The following FRAS1 variants were observed in gnomAD, a reference collection of about 807,000 sequenced individuals.
FRAS1 encodes the protein extracellular matrix organizing protein FRAS1.
Under a neutral mutation model 435.2 loss-of-function variants are expected in FRAS1, and 290 were observed. The ratio of observed to expected loss-of-function variants is 0.67; its 90% CI spans 0.61 to 0.73. The LOEUF (loss-of-function observed/expected upper bound fraction) is 0.73. Ranked by LOEUF, FRAS1 falls within the 30% of genes least tolerant of loss-of-function variation. The pLI is 0.00. For synonymous variants in FRAS1, 1,800 were observed against 1,851.0 expected, an observed-to-expected ratio of 0.97 and a Z score of 0.71; for missense variants, 4,860 against 5,001.5, an observed-to-expected ratio of 0.97 and a Z score of 0.85.
rs554473732 is a variant in FRAS1 at position 78,189,107 on chromosome 4, T to A, written c.109-48403T>A. On this transcript the variant is annotated intron_variant, in intron 2 of 73. Transcript: ENST00000512123. ...AAGTCATTGGAGGACTGCCTGGGGATATACATCATCTGCTTCTAGTTCTGA... is the reference window on the plus strand; with the variant it reads ...AAGTCATTGGAGGACTGCCTGGGGAAATACATCATCTGCTTCTAGTTCTGA... Among the ~76,000 whole-genome samples the A allele has an allele frequency of 3.5e-4, 54 of 152,370 alleles. No individual in the cohort carries two copies. In the South Asian group the frequency reaches 0.011, roughly 30 times the overall value.
chr4:78,375,618 T>C lies in FRAS1; in HGVS notation c.3152-121T>C. 3.9e-6 allele frequency: 3 copies of C among 778,672 alleles called. No homozygotes were observed. In the East Asian group the frequency reaches 8.4e-5, roughly 22 times the overall value. 48.2% of individuals were successfully genotyped at this position (778,672 alleles called of 1,614,324 possible). On this transcript the variant is annotated intron_variant, in intron 25 of 73. Transcript: ENST00000512123. The stretch of plus-strand genomic sequence containing the variant: ...TGTAGGGAAACTGTCAGTATTCTCT[T>C]TTGTTACAGTTGGGGCTCATTTGTT...
chr4:78,318,140 T>C (rs765584000), intron 17 of FRAS1, among the ~76,000 whole-genome samples: 5 of 152,216 alleles, frequency 3.3e-5, no homozygotes, highest in Non-Finnish European at 5.9e-5. Context: ...ACAAGAACAA[T>C]GTATTTGAAA....
In FRAS1 at chr4:78,119,227, A is replaced by C. The variant is rs1475491694; in HGVS notation, c.108+53211A>C. Among the ~76,000 whole-genome samples, 3 of 152,096 alleles carry C rather than the reference A, an allele frequency of 2.0e-5. No homozygotes were observed. The East Asian group carries it at 5.8e-4, about 29-fold the overall frequency. On this transcript the variant is annotated intron_variant, in intron 2 of 73. Coordinates refer to ENST00000512123, the MANE Select transcript of FRAS1 (RefSeq NM_025074.7). ...CCTCATTCTTCTAGCTATTTGAATT[A>C]TATATTATTGCTAACTGTAGTCATC... is the stretch of plus-strand genomic sequence containing the variant.
rs1224542300 is a variant in FRAS1 at position 78,133,959 on chromosome 4, TTTTTTTG to T, written c.108+67950_108+67956del. Among the ~76,000 whole-genome samples the T allele has an allele frequency of 3.8e-3, 539 of 142,282 alleles. 8 individuals are homozygous for T. The highest frequency in any genetic ancestry group is 0.014 in the African/African-American group (515 of 38,070). 93.3% of individuals were successfully genotyped at this position (142,282 alleles called of 152,430 possible). A position where few individuals can be genotyped will look rare whatever the true frequency, so the allele number is the denominator to read the frequency against. On this transcript the variant is annotated intron_variant, in intron 2 of 73. Transcript: ENST00000512123. ...GGGAGCTGAGATGGACTAGGTTTTT[TTTTTTTG>T]TTTTTTTTTTTGAGATGGACTCTCG... is the stretch of plus-strand genomic sequence containing the variant.
intron 2 of FRAS1, among the ~76,000 whole-genome samples, chr4:78,164,867 C>A (rs1721275308): frequency 6.6e-6 from 1 of 152,124 alleles, no homozygotes. Context: ...TGAATCTATT[C>A]CTAAAGTTTT....
chr4:78,343,911 G>A lies in FRAS1; in HGVS notation c.2422+6094G>A, dbSNP rs188576166. The stretch of plus-strand genomic sequence containing the variant: ...TGTGCGGGGGAGGTGGGTTGGCACC[G>A]CCCTATATCTTGCTGTGGCTGCTTC... On this transcript the variant is annotated intron_variant, in intron 20 of 73. Coordinates refer to ENST00000512123, the MANE Select transcript of FRAS1 (RefSeq NM_025074.7). Among the ~76,000 whole-genome samples the A allele has an allele frequency of 2.5e-4, 38 of 152,214 alleles. No homozygotes were observed. In the East Asian group the frequency reaches 3.1e-3, roughly 12 times the overall value.
rs900116729 is a variant in FRAS1, at chr4:78,116,877, T to C, written c.108+50861T>C. Among the ~76,000 whole-genome samples, 4 of 152,366 alleles carry C rather than the reference T, an allele frequency of 2.6e-5. No individual in the cohort carries two copies. In the East Asian group the frequency reaches 5.8e-4, roughly 22 times the overall value. ...TGTGAATTTGATCCTGTCATTATGATGTTAGCTGGTTATTTTGCTCATTAG... is the reference window on the plus strand; with the variant it reads ...TGTGAATTTGATCCTGTCATTATGACGTTAGCTGGTTATTTTGCTCATTAG... On this transcript the variant is annotated intron_variant, in intron 2 of 73. Transcript: ENST00000512123.
At chr4:78,400,393 G>A (rs890961056) in intron 29 of FRAS1, among the ~76,000 whole-genome samples, 12 of 152,138 alleles carry the variant, frequency 7.9e-5, no homozygotes, top group Admixed American at 7.9e-4. Flanking sequence ...GCATATAATA[G>A]GTGCTTAATG....
At position 78,065,979 on chromosome 4, in the gene FRAS1, C is replaced by T. The variant is rs1352049729; in HGVS notation, c.77-6C>T. On this transcript the variant is annotated splice_region_variant and splice_polypyrimidine_tract_variant and intron_variant, in intron 1 of 73. Coordinates refer to ENST00000512123, the MANE Select transcript of FRAS1 (RefSeq NM_025074.7). The stretch of plus-strand genomic sequence containing the variant: ...CTTTTAATTCTTGTTTTGTTTTTCC[C>T]CACAGGTGCTTGTGTCTATCAGGAT... The T allele has an allele frequency of 4.4e-6, 7 of 1,603,764 alleles. No homozygotes were observed. Among genetic ancestry groups the T allele is most frequent in the Non-Finnish European group, 5.1e-6 (6 of 1,171,806 alleles).
chr4:78,163,245 T>A (rs762892303), intron 2 of FRAS1, among the ~76,000 whole-genome samples: 1 of 152,240 alleles, frequency 6.6e-6, no homozygotes, highest in Non-Finnish European at 1.5e-5. Context: ...TTCACCTTTT[T>A]ATGAGTAAAT....
Position 78,526,543 on chromosome 4 carries a change from AG to A in FRAS1, c.10813del (p.Asp3605ThrfsTer10). 6.3e-7 allele frequency: 1 copy of A among 1,582,508 alleles called. No individual in the cohort carries two copies. Among genetic ancestry groups the A allele is most frequent in the South Asian group, 1.2e-5 (1 of 85,976 alleles). ...CAGTCTGCTCTGCATGTTTCCAGGA[AG>A]GACTACTCAGGAGAGTACACCATCT... ...LWRATSSYNR[K>X]DYSGEYTIYL... On this transcript the variant is annotated frameshift_variant, in exon 70 of 74. Transcript: ENST00000512123. LOFTEE classifies it high-confidence loss of function.
In FRAS1 at chr4:78,477,800, G is replaced by T; in HGVS notation, c.7852-15G>T. 1 of 1,605,400 alleles carries T rather than the reference G, an allele frequency of 6.2e-7. No individual in the cohort carries two copies. Among genetic ancestry groups the T allele is most frequent in the Non-Finnish European group, 8.5e-7 (1 of 1,173,982 alleles). ...TGAGGCACAGCTTAACTTCTTGTTG[G>T]TTCCTTTGTGACAGGTCCAGTTTGA... On this transcript the variant is annotated splice_polypyrimidine_tract_variant and intron_variant, in intron 54 of 73. Coordinates refer to ENST00000512123, the MANE Select transcript of FRAS1 (RefSeq NM_025074.7).
intron 2 of FRAS1, among the ~76,000 whole-genome samples, chr4:78,086,099 C>A (rs1374550848): frequency 6.6e-6 from 1 of 151,972 alleles, no homozygotes; most frequent in East Asian, 1.9e-4. Context: ...TGCAATCAAA[C>A]TAGAACTCAG....
At chr4:78,433,993 T>C (rs1734313742) in intron 38 of FRAS1, among the ~76,000 whole-genome samples, 1 of 152,230 alleles carries the variant, frequency 6.6e-6, no homozygotes, top group South Asian at 2.1e-4. Context: ...AAGCATAGCA[T>C]ACATTTTAAA....
chr4:78,333,227 C>G (rs561596408), intron 18 of FRAS1, 45 bp from the exon 19 acceptor site: 1 of 1,577,458 alleles, frequency 6.3e-7, no homozygotes, highest in Non-Finnish European at 8.6e-7. Context: ...GTCTGTGTCA[C>G]GTGGGGCTTT....
chr4:78,482,907 G>T (rs76957958), intron 58 of FRAS1, among the ~76,000 whole-genome samples: 1,744 of 152,306 alleles, frequency 0.011, 29 homozygotes, highest in African/African-American at 0.04. Context: ...AACTACAAGT[G>T]GGGGAAATTA....
intron 18 of FRAS1, among the ~76,000 whole-genome samples, chr4:78,319,876 T>C (rs1436537046): frequency 6.6e-6 from 1 of 152,232 alleles, no homozygotes; most frequent in South Asian, 2.1e-4. Context: ...AGGTGTCATA[T>C]GGCACAGCAG....
At chr4:78,342,241 A>T (rs1451401141) in intron 20 of FRAS1, among the ~76,000 whole-genome samples, 3 of 152,194 alleles carry the variant, frequency 2.0e-5, no homozygotes, top group African/African-American at 7.2e-5. Context: ...TTTGACTTGG[A>T]GACCTCTTAA....
At chr4:78,240,263 G>A (rs1724944664) in intron 3 of FRAS1, among the ~76,000 whole-genome samples, 1 of 152,168 alleles carries the variant, frequency 6.6e-6, no homozygotes, top group Admixed American at 6.5e-5. Context: ...CAAAGATAAT[G>A]CATAATATTA....
Sources: gnomAD v4.1 joint callset for allele counts (sites outside exome capture counted in the v4.1 genomes callset) on GRCh38, gnomAD v4.1.1 for gene constraint, MANE v1.5 for transcripts, NCBI Gene and HGNC (gene_info 2026-07-23, HGNC 2026-07-21) for gene names.